SH3RF3: variants seen among roughly 807,000 people sequenced by gnomAD.
The protein encoded by SH3RF3 is SH3 domain containing ring finger 3.
A neutral mutation model predicts 66.3 loss-of-function variants in SH3RF3; 29 were observed. The ratio of observed to expected loss-of-function variants is 0.44; its 90% CI spans 0.33 to 0.60. The LOEUF (loss-of-function observed/expected upper bound fraction) is 0.60, where lower values mean the gene tolerates loss of function less well. Ranked by LOEUF, SH3RF3 falls within the 20% of genes least tolerant of loss-of-function variation. The probability of loss-of-function intolerance (pLI) is 0.04; values close to 1 mark genes in which losing one functional copy is unlikely to be tolerated. For missense variants in SH3RF3, 1,194 were observed against 1,190.9 expected (o/e 1.00, Z -0.04); for synonymous variants, 583 against 532.0 (o/e 1.10, Z -1.32).
At chr2:109,253,474 C>T (rs895178861) in intron 1 of SH3RF3, among the ~76,000 whole-genome samples, 2 of 152,106 alleles carry the variant, frequency 1.3e-5, no homozygotes, top group African/African-American at 2.4e-5. Flanking sequence ...TTTTTGCTGC[C>T]CAGCTCTCAT....
intron 4 of SH3RF3, among the ~76,000 whole-genome samples, chr2:109,408,183 G>A (rs764272609): frequency 2.6e-5 from 4 of 152,118 alleles, no homozygotes; most frequent in Admixed American, 6.6e-5. Flanking sequence ...AATGCCCACC[G>A]GTAGGCCCCA....
chr2:109,498,970 C>T (rs552807538), intron 9 of SH3RF3, among the ~76,000 whole-genome samples: 9 of 152,228 alleles, frequency 5.9e-5, no homozygotes, highest in South Asian at 2.1e-4. Flanking sequence ...GTGGGAAGGG[C>T]GCAGTGTGGA....
intron 4 of SH3RF3, among the ~76,000 whole-genome samples, chr2:109,404,968 T>C (rs2104462625): frequency 6.6e-6 from 1 of 152,074 alleles, no homozygotes; most frequent in Admixed American, 6.5e-5. Flanking sequence ...TGGCCCCTCC[T>C]GCCAGACCCT....
intron 2 of SH3RF3, among the ~76,000 whole-genome samples, chr2:109,357,028 G>A (rs1283406770): frequency 6.6e-6 from 1 of 151,968 alleles, no homozygotes; most frequent in African/African-American, 2.4e-5. Context: ...GCTGCTGCTT[G>A]TCCATACTGG....
At chr2:109,239,689 A>G (rs749312936) in intron 1 of SH3RF3, among the ~76,000 whole-genome samples, 2 of 152,030 alleles carry the variant, frequency 1.3e-5, no homozygotes, top group Non-Finnish European at 2.9e-5. Context: ...GTGGAGTAAT[A>G]GATTTTAGGG....
At chr2:109,479,618 A>G (rs1678780470) in intron 8 of SH3RF3, among the ~76,000 whole-genome samples, 1 of 152,178 alleles carries the variant, frequency 6.6e-6, no homozygotes, top group Non-Finnish European at 1.5e-5. Context: ...CTGGCAGCCC[A>G]AGGCAAGGGG....
At chr2:109,340,180 C>G (rs1478597932) in intron 1 of SH3RF3, among the ~76,000 whole-genome samples, 1 of 152,148 alleles carries the variant, frequency 6.6e-6, no homozygotes, top group Non-Finnish European at 1.5e-5. Context: ...GGTCAGACCA[C>G]CTGGATCCAG....
At chr2:109,435,585 G>A (rs72947113) in intron 6 of SH3RF3, among the ~76,000 whole-genome samples, 13,328 of 152,200 alleles carry the variant, frequency 0.088, 1,851 homozygotes, top group African/African-American at 0.29. Flanking sequence ...GGCTCTTCCC[G>A]TGAGGGCACG....
intron 1 of SH3RF3, among the ~76,000 whole-genome samples, chr2:109,208,552 A>G (rs1678894283): frequency 6.6e-6 from 1 of 152,200 alleles, no homozygotes; most frequent in African/African-American, 2.4e-5. Context: ...ACCAGCACCA[A>G]CCGACCCACC....
chr2:109,220,031 A>G (rs1347171579), intron 1 of SH3RF3, among the ~76,000 whole-genome samples: 2 of 152,246 alleles, frequency 1.3e-5, no homozygotes, highest in African/African-American at 2.4e-5. Flanking sequence ...AAAATGTACT[A>G]TAAGCAATAG....
chr2:109,465,724 C>T (rs1040537635), intron 8 of SH3RF3, among the ~76,000 whole-genome samples: 1 of 152,124 alleles, frequency 6.6e-6, no homozygotes, highest in Non-Finnish European at 1.5e-5. Context: ...AGGAAGCTTC[C>T]AATCATGGCG....
At chr2:109,494,164 A>G (rs1412725453) in intron 9 of SH3RF3, among the ~76,000 whole-genome samples, 1 of 152,182 alleles carries the variant, frequency 6.6e-6, no homozygotes, top group Non-Finnish European at 1.5e-5. Flanking sequence ...AGACACCTCA[A>G]TAAAAAGTAT....
intron 1 of SH3RF3, among the ~76,000 whole-genome samples, chr2:109,331,514 C>T (rs1682285909): frequency 6.6e-6 from 1 of 152,064 alleles, no homozygotes; most frequent in African/African-American, 2.4e-5. Flanking sequence ...CCTTTCTCAC[C>T]CTCCTGAATT....
At chr2:109,271,806 T>G (rs1680632407) in intron 1 of SH3RF3, among the ~76,000 whole-genome samples, 1 of 152,234 alleles carries the variant, frequency 6.6e-6, no homozygotes, top group African/African-American at 2.4e-5. Flanking sequence ...TGACTATCTT[T>G]AAAATGCTGT....
At chr2:109,318,772 C>T (rs1681947727) in intron 1 of SH3RF3, among the ~76,000 whole-genome samples, 1 of 152,174 alleles carries the variant, frequency 6.6e-6, no homozygotes, top group African/African-American at 2.4e-5. Context: ...AAAGACAAAG[C>T]ATGAAAGCCC....
Position 109,216,111 on chromosome 2 carries a change from G to A in SH3RF3, c.573+85998G>A, listed in dbSNP as rs145020825. On this transcript the variant is annotated intron_variant, in intron 1 of 9. Coordinates refer to ENST00000309415, the MANE Select transcript of SH3RF3 (RefSeq NM_001099289.3). ...CTGTCAGCTGCTGGAGGAGGAACCC[G>A]GGGGACATCGTGAGGTCTGGTTCCC... Among the ~76,000 whole-genome samples the A allele has an allele frequency of 6.6e-5, 10 of 152,292 alleles. No individual in the cohort carries two copies. In the East Asian group the frequency reaches 7.7e-4, roughly 12 times the overall value.
chr2:109,347,057 G>A (rs1164044244), intron 1 of SH3RF3, among the ~76,000 whole-genome samples: 7 of 152,170 alleles, frequency 4.6e-5, no homozygotes, highest in East Asian at 1.9e-4. Context: ...TGAGTGGAAC[G>A]CTCAGCACGA....
At chr2:109,237,414 T>C (rs1463139888) in intron 1 of SH3RF3, among the ~76,000 whole-genome samples, 1 of 152,140 alleles carries the variant, frequency 6.6e-6, no homozygotes, top group African/African-American at 2.4e-5. Flanking sequence ...TCTTAACAAG[T>C]CTATGGAGAA....
chr2:109,154,717 G>T (rs554876834), intron 1 of SH3RF3, among the ~76,000 whole-genome samples: 3 of 152,320 alleles, frequency 2.0e-5, no homozygotes, highest in South Asian at 2.1e-4. Context: ...TTTGGACAAG[G>T]TCTGTGGGGG....
Sources: allele counts gnomAD v4.1 joint callset (sites outside exome capture counted in the v4.1 genomes callset), GRCh38; gene constraint gnomAD v4.1.1; transcripts MANE v1.5; gene names NCBI Gene and HGNC (gene_info 2026-07-23, HGNC 2026-07-21).